SNTG1: variants seen among roughly 807,000 people sequenced by gnomAD.
The protein encoded by SNTG1 is gamma-1-syntrophin.
Under a neutral mutation model 74.7 loss-of-function variants are expected in SNTG1, and 39 were observed. That is an observed-to-expected ratio of 0.52 (90% CI 0.40 to 0.68). The LOEUF (loss-of-function observed/expected upper bound fraction) is 0.68, where lower values mean the gene tolerates loss of function less well. Among genes scored for constraint, SNTG1 ranks in the 30% least tolerant of loss-of-function variants. The pLI is 0.00. For synonymous variants in SNTG1, 254 were observed against 217.1 expected (o/e 1.17, Z -1.49); for missense variants, 685 against 609.5 (o/e 1.12, Z -1.30).
intron 2 of SNTG1, among the ~76,000 whole-genome samples, chr8:50,217,510 G>A (rs981786642): frequency 4.6e-5 from 7 of 152,018 alleles, no homozygotes; most frequent in African/African-American, 1.7e-4. Flanking sequence ...CCTTAAGTCT[G>A]TATACTGAAA....
intron 17 of SNTG1, among the ~76,000 whole-genome samples, chr8:50,741,236 T>A (rs1406475196): frequency 6.6e-6 from 1 of 152,022 alleles, no homozygotes; most frequent in Non-Finnish European, 1.5e-5. Context: ...GCAATTCTTC[T>A]TCCTCAGCCT....
chr8:50,394,337 A>G lies in SNTG1; in HGVS notation c.27+72A>G, dbSNP rs2092701068. The G allele has an allele frequency of 2.0e-5, 29 of 1,485,104 alleles. No homozygotes were observed. In the South Asian group the frequency reaches 3.4e-4, roughly 17 times the overall value. 92.0% of individuals were successfully genotyped at this position (1,485,104 alleles called of 1,614,324 possible). A position where few individuals can be genotyped will look rare whatever the true frequency, so the allele number is the denominator to read the frequency against. On this transcript the variant is annotated intron_variant, in intron 3 of 18. Transcript: ENST00000642720. ...AGCGGGAAACACTTGGCTCCAATTTATATAGGGAAATTCTGCTTTTGGCAG... is the reference window on the plus strand; with the variant it reads ...AGCGGGAAACACTTGGCTCCAATTTGTATAGGGAAATTCTGCTTTTGGCAG...
chr8:50,697,180 C>T (rs7016907), intron 15 of SNTG1, among the ~76,000 whole-genome samples: 6,629 of 151,790 alleles, frequency 0.044, 384 homozygotes, highest in African/African-American at 0.12. Context: ...AATGTATTTC[C>T]GGGTTTTTTT....
At chr8:49,984,364 C>A (rs895173349) in intron 1 of SNTG1, among the ~76,000 whole-genome samples, 1 of 151,906 alleles carries the variant, frequency 6.6e-6, no homozygotes, top group African/African-American at 2.4e-5. Flanking sequence ...TGTTACCACT[C>A]CCGGATAATT....
intron 2 of SNTG1, among the ~76,000 whole-genome samples, chr8:50,278,545 T>G (rs1382606074): frequency 1.3e-5 from 2 of 152,180 alleles, no homozygotes; most frequent in East Asian, 3.9e-4. Flanking sequence ...GGATTCATAG[T>G]TAAATGTTTA....
At chr8:50,743,937 A>C (rs967962685) in intron 17 of SNTG1, among the ~76,000 whole-genome samples, 45 of 151,330 alleles carry the variant, frequency 3.0e-4, no homozygotes, top group African/African-American at 8.8e-4. Context: ...AAGTGGAAGC[A>C]AGCTTGTCAC....
chr8:50,131,739 T>A (rs879864389), intron 1 of SNTG1, among the ~76,000 whole-genome samples: 6 of 152,154 alleles, frequency 3.9e-5, no homozygotes, highest in Non-Finnish European at 8.8e-5. Flanking sequence ...TAGTTCCATA[T>A]TTAATTTTTT....
At chr8:49,923,252 A>AT (rs1282490373) in intron 1 of SNTG1, among the ~76,000 whole-genome samples, 1 of 152,176 alleles carries the variant, frequency 6.6e-6, no homozygotes, top group Non-Finnish European at 1.5e-5. Flanking sequence ...GTATAATTCA[A>AT]TGTTGGGATT....
chr8:50,727,838 C>T (rs1438139079), intron 17 of SNTG1, among the ~76,000 whole-genome samples: 1 of 152,198 alleles, frequency 6.6e-6, no homozygotes, highest in African/African-American at 2.4e-5. Context: ...GCAGCATAAA[C>T]ATTTAGCAGA....
At chr8:50,615,658 C>A (rs570370601) in intron 13 of SNTG1, among the ~76,000 whole-genome samples, 37 of 152,256 alleles carry the variant, frequency 2.4e-4, no homozygotes, top group Admixed American at 1.8e-3. Flanking sequence ...CATCAAGAGA[C>A]AGAAATCACA....
chr8:50,664,195 CTGAGA>C (rs1229476355), intron 15 of SNTG1, among the ~76,000 whole-genome samples: 2 of 152,034 alleles, frequency 1.3e-5, no homozygotes, highest in Non-Finnish European at 2.9e-5. Flanking sequence ...TGGCAATTAG[CTGAGA>C]TGATACTAAG....
At chr8:50,260,522 C>A (rs539484463) in intron 2 of SNTG1, among the ~76,000 whole-genome samples, 2 of 141,278 alleles carry the variant, frequency 1.4e-5, no homozygotes, top group Admixed American at 1.4e-4. Context: ...CACACACACA[C>A]ACACAGACAC....
chr8:50,153,873 T>G (rs1285329165), intron 1 of SNTG1, among the ~76,000 whole-genome samples: 2 of 152,140 alleles, frequency 1.3e-5, no homozygotes, highest in African/African-American at 2.4e-5. Context: ...GAGGAGGCAG[T>G]CTGTCTGTTC....
chr8:50,096,102 A>G (rs915707444), intron 1 of SNTG1, among the ~76,000 whole-genome samples: 3 of 152,176 alleles, frequency 2.0e-5, no homozygotes, highest in African/African-American at 7.2e-5. Context: ...CTTTATAATG[A>G]TGTGCAATTT....
chr8:50,161,620 T>C (rs1168771460), intron 1 of SNTG1, among the ~76,000 whole-genome samples: 2 of 152,168 alleles, frequency 1.3e-5, no homozygotes, highest in South Asian at 2.1e-4. Context: ...TCTGTATGTG[T>C]ATCTGGAGTT....
intron 2 of SNTG1, among the ~76,000 whole-genome samples, chr8:50,300,947 G>A (rs34113623): frequency 0.16 from 24,080 of 151,994 alleles, 2,309 homozygotes; most frequent in Middle Eastern, 0.27. Context: ...CTATATTGTG[G>A]TCCCCTTGAC....
At chr8:50,435,374 C>T (rs925267892) in intron 4 of SNTG1, among the ~76,000 whole-genome samples, 7 of 152,122 alleles carry the variant, frequency 4.6e-5, no homozygotes, top group Admixed American at 6.5e-5. Context: ...ACAGTCTTTA[C>T]GACACTCATG....
chr8:50,154,700 C>A (rs944975316), intron 1 of SNTG1, among the ~76,000 whole-genome samples: 2 of 152,148 alleles, frequency 1.3e-5, no homozygotes, highest in East Asian at 1.9e-4. Context: ...ACCAAAATTG[C>A]AACCATCTAT....
intron 5 of SNTG1, among the ~76,000 whole-genome samples, chr8:50,439,996 G>C (rs562919242): frequency 1.3e-5 from 2 of 151,214 alleles, no homozygotes; most frequent in African/African-American, 4.8e-5. Context: ...TTACTAAAAT[G>C]CCACATTTTA....
Sources: gnomAD v4.1 joint callset for allele counts (sites outside exome capture counted in the v4.1 genomes callset) on GRCh38, gnomAD v4.1.1 for gene constraint, MANE v1.5 for transcripts, NCBI Gene and HGNC (gene_info 2026-07-23, HGNC 2026-07-21) for gene names.